The following VPS53 variants were observed in gnomAD, a reference collection of about 807,000 sequenced individuals.
The protein encoded by VPS53 is vacuolar protein sorting-associated protein 53 homolog.
Under a neutral mutation model 107.0 loss-of-function variants are expected in VPS53, and 70 were observed. The observed-to-expected ratio is 0.65, with a 90% CI of 0.54 to 0.80. The LOEUF (loss-of-function observed/expected upper bound fraction) is 0.80, where lower values mean the gene tolerates loss of function less well. Ranked by LOEUF, VPS53 falls within the 30% of genes least tolerant of loss-of-function variation. The probability of loss-of-function intolerance (pLI) is 0.00; values close to 1 mark genes in which losing one functional copy is unlikely to be tolerated. For synonymous variants in VPS53, 409 were observed against 393.3 expected (o/e 1.04, Z -0.47); for missense variants, 917 against 1,049.4 (o/e 0.87, Z 1.74).
At chr17:679,880 G>A (rs1972321120) in intron 4 of VPS53, among the ~76,000 whole-genome samples, 1 of 152,316 alleles carries the variant, frequency 6.6e-6, no homozygotes, top group African/African-American at 2.4e-5. Flanking sequence ...AGGCATGGTG[G>A]CTCACACCTG....
At chr17:564,541 G>GAAAA (rs34603655) in intron 13 of VPS53, among the ~76,000 whole-genome samples, 3 of 97,004 alleles carry the variant, frequency 3.1e-5, no homozygotes, top group Non-Finnish European at 4.0e-5. Context: ...CTCTGTCTCA[G>GAAAA]AAAAAAAAAA....
chr17:574,431 T>C (rs1597324999), intron 13 of VPS53, among the ~76,000 whole-genome samples: 1 of 151,990 alleles, frequency 6.6e-6, no homozygotes, highest in South Asian at 2.1e-4. Flanking sequence ...ACCAGGTAGG[T>C]TTTGGGAAAG....
chr17:567,206 C>T (rs1026100903), intron 13 of VPS53, among the ~76,000 whole-genome samples: 1 of 152,192 alleles, frequency 6.6e-6, no homozygotes, highest in Admixed American at 6.5e-5. Context: ...TATGATCATA[C>T]AGCATAAAGA....
At chr17:571,735 G>C (rs1221643552) in intron 13 of VPS53, among the ~76,000 whole-genome samples, 2 of 149,186 alleles carry the variant, frequency 1.3e-5, no homozygotes, top group Non-Finnish European at 3.0e-5. Flanking sequence ...GGTGGAGACG[G>C]GGTTTCGCTG....
At position 518,860 on chromosome 17, in the gene VPS53, G is replaced by A; in HGVS notation, c.*268C>T. 1 of 324,370 alleles carries A rather than the reference G, an allele frequency of 3.1e-6. No homozygotes were observed. The highest frequency in any genetic ancestry group is 5.6e-6 in the Non-Finnish European group (1 of 178,138). 20.1% of individuals were successfully genotyped at this position (324,370 alleles called of 1,614,324 possible). A position where few individuals can be genotyped will look rare whatever the true frequency, so the allele number is the denominator to read the frequency against. ...GGGGAGGCTACATGAGTCAAGGGCA[G>A]CTCAGGGACCTATCCTCCACTGCTG... On this transcript the variant is annotated 3_prime_UTR_variant, in exon 22 of 22. Coordinates refer to ENST00000437048, the MANE Select transcript of VPS53 (RefSeq NM_001128159.3).
At chr17:609,029 C>G (rs1968717589) in intron 11 of VPS53, among the ~76,000 whole-genome samples, 1 of 152,064 alleles carries the variant, frequency 6.6e-6, no homozygotes, top group South Asian at 2.1e-4. Context: ...TAATTCATGT[C>G]ACATAAAACT....
At chr17:663,673 G>A (rs558564065) in intron 4 of VPS53, among the ~76,000 whole-genome samples, 10 of 152,344 alleles carry the variant, frequency 6.6e-5, no homozygotes, top group South Asian at 6.2e-4. Context: ...TGGACTGTCC[G>A]TGACTAAAGA....
At chr17:617,151 G>A (rs116841995) in intron 11 of VPS53, among the ~76,000 whole-genome samples, 2 of 152,334 alleles carry the variant, frequency 1.3e-5, no homozygotes, top group South Asian at 2.1e-4. Flanking sequence ...GCCAGAGGCC[G>A]TGGGAGCTCA....
intron 7 of VPS53, among the ~76,000 whole-genome samples, chr17:638,723 C>T (rs965728590): frequency 2.0e-4 from 30 of 152,294 alleles, no homozygotes; most frequent in African/African-American, 7.2e-4. Context: ...TTCTTTTCTT[C>T]AAGAATGTTG....
At chr17:634,448 A>T (rs1970104399) in intron 7 of VPS53, among the ~76,000 whole-genome samples, 1 of 151,964 alleles carries the variant, frequency 6.6e-6, no homozygotes, top group Non-Finnish European at 1.5e-5. Flanking sequence ...CACAATGTGC[A>T]GGTTCGTTAC....
At chr17:611,797 C>T (rs372282268) in intron 11 of VPS53, among the ~76,000 whole-genome samples, 10 of 143,752 alleles carry the variant, frequency 7.0e-5, no homozygotes, top group Middle Eastern at 4.4e-3. Flanking sequence ...TGAAAACCTG[C>T]ACAGATATTC....
At chr17:604,235 C>T (rs183807853) in intron 11 of VPS53, among the ~76,000 whole-genome samples, 4 of 152,240 alleles carry the variant, frequency 2.6e-5, no homozygotes, top group Admixed American at 2.0e-4. Context: ...TTCCCGGGCT[C>T]TGCTCTCGCT....
At chr17:559,471 C>T (rs535870355) in intron 15 of VPS53, among the ~76,000 whole-genome samples, 6 of 152,328 alleles carry the variant, frequency 3.9e-5, no homozygotes, top group Non-Finnish European at 8.8e-5. Flanking sequence ...ACGGACTGCT[C>T]TGTGGCTCCA....
intron 17 of VPS53, among the ~76,000 whole-genome samples, chr17:541,198 A>T (rs1391335211): frequency 8.6e-5 from 13 of 151,924 alleles, no homozygotes; most frequent in Non-Finnish European, 1.9e-4. Flanking sequence ...GCTCACTCTC[A>T]CTCTGATGCC....
chr17:605,054 C>T (rs1289739908), intron 11 of VPS53, among the ~76,000 whole-genome samples: 1 of 151,926 alleles, frequency 6.6e-6, no homozygotes, highest in Non-Finnish European at 1.5e-5. Context: ...GCAGCCGTCC[C>T]TAAAGAAAAG....
intron 15 of VPS53, among the ~76,000 whole-genome samples, chr17:553,728 A>G (rs188750299): frequency 1.4e-3 from 206 of 151,652 alleles, no homozygotes; most frequent in Non-Finnish European, 2.5e-3. Flanking sequence ...GCGCTACCAC[A>G]CCCGGCTAAT....
intron 13 of VPS53, among the ~76,000 whole-genome samples, chr17:563,857 A>C (rs1913246750): frequency 1.3e-5 from 2 of 152,212 alleles, no homozygotes; most frequent in Admixed American, 1.3e-4. Flanking sequence ...TGCCTAAACA[A>C]AGAGAAACTG....
chr17:648,423 C>T (rs1378967740), intron 7 of VPS53, among the ~76,000 whole-genome samples: 2 of 151,968 alleles, frequency 1.3e-5, no homozygotes, highest in Non-Finnish European at 2.9e-5. Flanking sequence ...GGGTGGTGGG[C>T]GCCTGTAGTC....
Position 714,742 on chromosome 17 carries a change from C to A in VPS53, c.-33G>T, listed in dbSNP as rs778939426. 1.2e-6 allele frequency: 2 copies of A among 1,612,346 alleles called. No individual in the cohort carries two copies. The highest frequency in any genetic ancestry group is 8.5e-7 in the Non-Finnish European group (1 of 1,179,032). On this transcript the variant is annotated 5_prime_UTR_variant, in exon 1 of 22. Coordinates refer to ENST00000437048, the MANE Select transcript of VPS53 (RefSeq NM_001128159.3). ...CCCGGCCCCCTGCCGACCCCCGCCG[C>A]GAGCCCAACTCAGGCCTCCAGCCGC...
Sources: allele counts gnomAD v4.1 joint callset (sites outside exome capture counted in the v4.1 genomes callset), GRCh38; gene constraint gnomAD v4.1.1; transcripts MANE v1.5; gene names NCBI Gene and HGNC (gene_info 2026-07-23, HGNC 2026-07-21).